The following AGTPBP1 variants were observed in gnomAD, a reference collection of about 807,000 sequenced individuals.
AGTPBP1 encodes the protein cytosolic carboxypeptidase 1.
A neutral mutation model predicts 143.9 loss-of-function variants in AGTPBP1; 70 were observed. The observed-to-expected ratio is 0.49, with a 90% confidence interval of 0.40 to 0.59. The LOEUF (loss-of-function observed/expected upper bound fraction) is 0.59, where lower values mean the gene tolerates loss of function less well. Among genes scored for constraint, AGTPBP1 ranks in the 20% least tolerant of loss-of-function variants. The pLI, the probability that AGTPBP1 is intolerant of heterozygous loss-of-function variation, is 0.00. For missense variants in AGTPBP1, 1,229 were observed against 1,464.5 expected (o/e 0.84, Z 2.62); for synonymous variants, 463 against 500.2 (o/e 0.93, Z 0.99).
At chr9:85,621,139 A>AT (rs1369491833) in intron 15 of AGTPBP1, 63 bp downstream of exon 15, 40 of 902,038 alleles carry the variant, frequency 4.4e-5, no homozygotes, top group Non-Finnish European at 5.8e-5. Context: ...TCTTTTAGAA[A>AT]TAATACTAAA....
At chr9:85,547,430 T>C (rs1825795446) in intron 25 of AGTPBP1, 144 bp from the exon 26 acceptor site, 5 of 653,694 alleles carry the variant, frequency 7.6e-6, no homozygotes, top group South Asian at 4.6e-5. Flanking sequence ...AATGAACAAG[T>C]TGAAATTTAT....
chr9:85,741,899 A>AGGCGGAGGC lies in AGTPBP1; in HGVS notation c.-167_-159dup. On this transcript the variant is annotated 5_prime_UTR_variant, in exon 1 of 26. Transcript: ENST00000357081. ...TTCATACAAACCCCGGTGGCAGGCG[A>AGGCGGAGGC]GGCGGAGGCGGCGGCGGCGGCAGCT... 2 of 1,344,666 alleles carry AGGCGGAGGC rather than the reference A, an allele frequency of 1.5e-6. No homozygotes were observed. Among genetic ancestry groups the AGGCGGAGGC allele is most frequent in the Non-Finnish European group, 1.9e-6 (2 of 1,050,638 alleles). 83.3% of individuals were successfully genotyped at this position (1,344,666 alleles called of 1,614,324 possible).
chr9:85,741,900 G>C lies in AGTPBP1; in HGVS notation c.-159C>G, dbSNP rs1355219524. On this transcript the variant is annotated 5_prime_UTR_variant, in exon 1 of 26. Transcript: ENST00000357081. ...TCATACAAACCCCGGTGGCAGGCGA[G>C]GCGGAGGCGGCGGCGGCGGCAGCTG... 6.0e-6 allele frequency: 8 copies of C among 1,342,736 alleles called. No individual in the cohort carries two copies. The Admixed American group carries it at 1.1e-4, about 19-fold the overall frequency. The allele number at this position is 1,342,736 out of a possible 1,614,324, so 83.2% of individuals were successfully genotyped here. A position where few individuals can be genotyped will look rare whatever the true frequency, so the allele number is the denominator to read the frequency against.
At chr9:85,699,946 A>C (rs1020771928) in intron 2 of AGTPBP1, among the ~76,000 whole-genome samples, 1 of 152,230 alleles carries the variant, frequency 6.6e-6, no homozygotes, top group Non-Finnish European at 1.5e-5. Flanking sequence ...TTACCAAAAA[A>C]GTAAAGATTT....
the AGTPBP1 span, among the ~76,000 whole-genome samples, chr9:85,800,065 G>A: frequency 6.6e-6 from 1 of 152,116 alleles, no homozygotes; most frequent in Non-Finnish European, 1.5e-5. Context: ...AATGAAGCTG[G>A]GGGAAAGGGG....
intron 23 of AGTPBP1, among the ~76,000 whole-genome samples, chr9:85,580,747 C>T (rs1828206111): frequency 6.6e-6 from 1 of 152,076 alleles, no homozygotes; most frequent in Non-Finnish European, 1.5e-5. Context: ...TGACTATCAA[C>T]AGAGACTACT....
the AGTPBP1 span, among the ~76,000 whole-genome samples, chr9:85,760,485 A>G: frequency 6.6e-6 from 1 of 152,260 alleles, no homozygotes; most frequent in South Asian, 2.1e-4. Flanking sequence ...CAATAAATGT[A>G]ATCAAGCATA....
At chr9:85,632,291 A>G (rs983673434) in intron 14 of AGTPBP1, among the ~76,000 whole-genome samples, 6 of 152,190 alleles carry the variant, frequency 3.9e-5, no homozygotes, top group African/African-American at 1.4e-4. Flanking sequence ...CTATTTTTAA[A>G]TCCTATACTT....
chr9:85,759,490 T>G, the AGTPBP1 span, among the ~76,000 whole-genome samples: 808 of 151,982 alleles, frequency 5.3e-3, 4 homozygotes, highest in Non-Finnish European at 7.9e-3. Flanking sequence ...CTCAACTACA[T>G]GGAAACTGAA....
Position 85,579,083 on chromosome 9 carries a change from A to T in AGTPBP1, c.3179T>A (p.Ile1060Lys). The T allele has an allele frequency of 6.3e-7, 1 of 1,599,458 alleles. No homozygotes were observed. The highest frequency in any genetic ancestry group is 8.5e-7 in the Non-Finnish European group (1 of 1,176,150). The part of the protein sequence containing the change: ...EDTGYRTLPK[I>K]LSHIAPAFCM... ...AAATGCTGGGGCGATATGGCTCAGT[A>T]TCTTAGGCAATGTCTGTTAAAAACA... Residue 1060 changes from isoleucine (I) to lysine (K), a missense_variant, in exon 24 of 26, where the codon ATA becomes AAA. Ile to Lys is a moderately radical substitution (Grantham distance 102, BLOSUM62 -3). This residue lies in a region of AGTPBP1 where 486 missense variants were observed against 652.3 expected (regional missense o/e 0.75). Coordinates refer to ENST00000357081, the MANE Select transcript of AGTPBP1 (RefSeq NM_001330701.2).
the AGTPBP1 span, among the ~76,000 whole-genome samples, chr9:85,783,240 T>C: frequency 6.6e-6 from 1 of 152,230 alleles, no homozygotes; most frequent in Non-Finnish European, 1.5e-5. Context: ...CTAGTCTTGA[T>C]AATAACGTTG....
chr9:85,671,843 T>C (rs1002350795), intron 7 of AGTPBP1, among the ~76,000 whole-genome samples: 2 of 152,204 alleles, frequency 1.3e-5, no homozygotes, highest in African/African-American at 2.4e-5. Flanking sequence ...TACTTCCCTA[T>C]TGATTGCTGA....
chr9:85,683,417 C>G (rs1835309758), intron 3 of AGTPBP1, among the ~76,000 whole-genome samples: 2 of 152,124 alleles, frequency 1.3e-5, no homozygotes, highest in South Asian at 4.1e-4. Flanking sequence ...ATTAATATCA[C>G]TACTAACAAG....
At chr9:85,794,522 C>T in the AGTPBP1 span, among the ~76,000 whole-genome samples, 1 of 152,148 alleles carries the variant, frequency 6.6e-6, no homozygotes, top group Non-Finnish European at 1.5e-5. Context: ...ATATGTCTGT[C>T]CTATGACAGA....
the AGTPBP1 span, among the ~76,000 whole-genome samples, chr9:85,778,488 T>C: frequency 6.9e-6 from 1 of 145,156 alleles, no homozygotes; most frequent in Non-Finnish European, 1.5e-5. Context: ...ATCTGCTGGG[T>C]CATATGGCCC....
At chr9:85,673,362 G>A (rs1834614573) in intron 6 of AGTPBP1, among the ~76,000 whole-genome samples, 1 of 151,606 alleles carries the variant, frequency 6.6e-6, no homozygotes, top group African/African-American at 2.4e-5. Context: ...CCAACACAGA[G>A]TTAAAAGGAA....
chr9:85,571,879 G>C (rs73475734), intron 25 of AGTPBP1, among the ~76,000 whole-genome samples: 6,418 of 152,028 alleles, frequency 0.042, 475 homozygotes, highest in African/African-American at 0.15. Context: ...GATAGACAAA[G>C]AGGAATGATA....
chr9:85,566,639 A>G (rs1478279323), intron 25 of AGTPBP1, among the ~76,000 whole-genome samples: 1 of 152,122 alleles, frequency 6.6e-6, no homozygotes, highest in African/African-American at 2.4e-5. Context: ...AAATAGGATG[A>G]CAAAAAAGAC....
chr9:85,550,919 T>C (rs1390134655), intron 25 of AGTPBP1, among the ~76,000 whole-genome samples: 3 of 152,146 alleles, frequency 2.0e-5, no homozygotes, highest in African/African-American at 7.2e-5. Flanking sequence ...CCAAATCTCA[T>C]GTTGAAATGT....
Sources: gnomAD v4.1 joint callset for allele counts (sites outside exome capture counted in the v4.1 genomes callset) on GRCh38, gnomAD v4.1.1 for gene constraint, gnomAD v4.1.1 regional missense constraint, MANE v1.5 for transcripts, NCBI Gene and HGNC (gene_info 2026-07-23, HGNC 2026-07-21) for gene names.